The following MYCBP2 variants were observed in gnomAD, a reference collection of about 807,000 sequenced individuals.
MYCBP2 encodes the protein E3 ubiquitin-protein ligase MYCBP2.
A neutral mutation model predicts 525.3 loss-of-function variants in MYCBP2; 120 were observed. The ratio of observed to expected loss-of-function variants is 0.23; its 90% CI spans 0.20 to 0.27. The LOEUF (loss-of-function observed/expected upper bound fraction) is 0.27, where lower values mean the gene tolerates loss of function less well. Ranked by LOEUF, MYCBP2 falls within the 10% of genes least tolerant of loss-of-function variation. The pLI is 1.00. For synonymous variants in MYCBP2, 1,894 were observed against 1,955.8 expected (o/e 0.97, Z 0.83); for missense variants, 4,149 against 5,657.1 (o/e 0.73, Z 8.55).
At chr13:77,124,090 G>C (rs929080603) in intron 54 of MYCBP2, among the ~76,000 whole-genome samples, 1 of 152,148 alleles carries the variant, frequency 6.6e-6, no homozygotes, top group African/African-American at 2.4e-5. Context: ...AGGTTCTCAA[G>C]TTGTGCTCAA....
chr13:77,101,071 T>C (rs1453387286), intron 55 of MYCBP2, among the ~76,000 whole-genome samples: 1 of 152,096 alleles, frequency 6.6e-6, no homozygotes, highest in African/African-American at 2.4e-5. Flanking sequence ...TATGTGATGT[T>C]TGGAATACTT....
intron 1 of MYCBP2, among the ~76,000 whole-genome samples, chr13:77,306,057 A>G (rs1362769679): frequency 6.6e-6 from 1 of 152,212 alleles, no homozygotes; most frequent in African/African-American, 2.4e-5. Flanking sequence ...AAATGAAATA[A>G]AAGTCATAAT....
At chr13:77,225,190 G>C (rs187972483) in intron 19 of MYCBP2, among the ~76,000 whole-genome samples, 131 of 152,296 alleles carry the variant, frequency 8.6e-4, no homozygotes, top group African/African-American at 2.8e-3. Context: ...AGACTGTCTT[G>C]AATTATAAAA....
At chr13:77,289,526 T>G (rs537071786) in intron 2 of MYCBP2, among the ~76,000 whole-genome samples, 18 of 150,970 alleles carry the variant, frequency 1.2e-4, no homozygotes, top group South Asian at 4.2e-4. Flanking sequence ...AAAAAAAAAG[T>G]CTAAGTTAGG....
At chr13:77,173,364 AAG>A (rs761694825) in intron 37 of MYCBP2, among the ~76,000 whole-genome samples, 3 of 152,258 alleles carry the variant, frequency 2.0e-5, no homozygotes, top group Non-Finnish European at 4.4e-5. Context: ...TAGTTTAAGA[AAG>A]AGAATAATGT....
chr13:77,194,799 G>C (rs1351778897), intron 26 of MYCBP2, among the ~76,000 whole-genome samples: 1 of 152,024 alleles, frequency 6.6e-6, no homozygotes, highest in Non-Finnish European at 1.5e-5. Flanking sequence ...GCTACAGAGA[G>C]AGAAGAGCAA....
At chr13:77,057,140 A>T in intron 78 of MYCBP2, 47 bp from the exon 79 acceptor site, 1 of 1,328,002 alleles carries the variant, frequency 7.5e-7, no homozygotes, top group Non-Finnish European at 1.1e-6. Context: ...AATAATGATA[A>T]ACAGTTGAGT....
intron 1 of MYCBP2, among the ~76,000 whole-genome samples, chr13:77,307,498 T>C (rs753371336): frequency 6.6e-6 from 1 of 150,986 alleles, no homozygotes; most frequent in Non-Finnish European, 1.5e-5. Flanking sequence ...CGGTGGCATG[T>C]GCCTGTAGTC....
At chr13:77,195,761 T>A (rs2061695913) in intron 26 of MYCBP2, among the ~76,000 whole-genome samples, 1 of 152,206 alleles carries the variant, frequency 6.6e-6, no homozygotes, top group Admixed American at 6.5e-5. Context: ...CTAACCCATA[T>A]TCCACAAAGT....
intron 29 of MYCBP2, among the ~76,000 whole-genome samples, chr13:77,189,330 C>T (rs932426220): frequency 6.6e-6 from 1 of 152,024 alleles, no homozygotes; most frequent in African/African-American, 2.4e-5. Context: ...AACTTATATT[C>T]TCTAGTAATG....
rs576220401 is a variant in MYCBP2 at position 77,106,332 on chromosome 13, T to C, written c.8141-7319A>G. 8.5e-5 allele frequency among the ~76,000 whole-genome samples: 13 copies of C among 152,342 alleles called. No individual in the cohort carries two copies. The South Asian group carries it at 2.7e-3, about 32-fold the overall frequency. ...AAATTCAGTTTGGTGTTCAATTTGT[T>C]GATTTCTTACTATGTTCTATAATCA... On this transcript the variant is annotated intron_variant, in intron 55 of 82. Transcript: ENST00000544440.
chr13:77,251,716 G>A (rs1241204308), intron 14 of MYCBP2, among the ~76,000 whole-genome samples: 1 of 152,104 alleles, frequency 6.6e-6, no homozygotes, highest in Non-Finnish European at 1.5e-5. Flanking sequence ...CCCCACTCTA[G>A]ATCATCCTCC....
At chr13:77,181,561 A>G in intron 33 of MYCBP2, 140 bp downstream of exon 33, 1 of 491,238 alleles carries the variant, frequency 2.0e-6, no homozygotes, top group Non-Finnish European at 3.5e-6. Flanking sequence ...ATACTTAAAA[A>G]TAGAGAAGAA....
chr13:77,301,409 C>G (rs148072855), intron 1 of MYCBP2, among the ~76,000 whole-genome samples: 3,730 of 105,592 alleles, frequency 0.035, 188 homozygotes, highest in African/African-American at 0.13. Flanking sequence ...GGCTACAGAG[C>G]AAGACTCCAT....
chr13:77,157,937 C>A lies in MYCBP2; in HGVS notation c.6770G>T (p.Arg2257Met). The A allele has an allele frequency of 6.2e-7, 1 of 1,608,900 alleles. No individual in the cohort carries two copies. The highest frequency in any genetic ancestry group is 8.5e-7 in the Non-Finnish European group (1 of 1,178,274). Residue 2257 changes from arginine to methionine, a missense_variant and splice_region_variant, in exon 45 of 83, where the codon AGG (arginine) becomes ATG (methionine). Coordinates refer to ENST00000544440, the MANE Select transcript of MYCBP2 (RefSeq NM_015057.5). ...VPGSSGGRLA[R>M]WLQPDSYADP... The stretch of plus-strand genomic sequence containing the variant: ...AGTAAGTAACTTAAAGTACATTTAC[C>A]TTGCAAGCCTTCCACCACTTGATCC...
intron 52 of MYCBP2, among the ~76,000 whole-genome samples, chr13:77,138,489 A>G (rs1429821490): frequency 6.6e-6 from 1 of 152,210 alleles, no homozygotes; most frequent in Non-Finnish European, 1.5e-5. Flanking sequence ...TACCCGTGCT[A>G]TTTATTAGCT....
intron 7 of MYCBP2, 92 bp downstream of exon 7, chr13:77,269,900 T>C: frequency 1.0e-6 from 1 of 955,172 alleles, no homozygotes; most frequent in South Asian, 1.5e-5. Flanking sequence ...ATCATTTCTG[T>C]TTAAATAGAA....
Position 77,058,520 on chromosome 13 carries a change from A to G in MYCBP2, c.13141-114T>C. ...ACTTTCCCACAGGAAGTATCTATGC[A>G]GGCCAAGTAACAACAAAGTAAAGTT... On this transcript the variant is annotated intron_variant, in intron 77 of 82. Transcript: ENST00000544440. This position sits in a 1 kb window ranked among gnomAD's most constrained non-coding sequence, Gnocchi z 4.1. 2 of 775,658 alleles carry G rather than the reference A, an allele frequency of 2.6e-6. No homozygotes were observed. Among genetic ancestry groups the G allele is most frequent in the Non-Finnish European group, 3.8e-6 (2 of 528,978 alleles). 48.0% of individuals were successfully genotyped at this position (775,658 alleles called of 1,614,324 possible). A position where few individuals can be genotyped will look rare whatever the true frequency, so the allele number is the denominator to read the frequency against.
chr13:77,097,157 A>T (rs1419863454), intron 56 of MYCBP2, among the ~76,000 whole-genome samples: 3 of 152,210 alleles, frequency 2.0e-5, no homozygotes, highest in Non-Finnish European at 4.4e-5. Context: ...ATGCTACATG[A>T]AAGTGAAATA....
Sources: gnomAD v4.1 joint callset for allele counts (sites outside exome capture counted in the v4.1 genomes callset) on GRCh38, gnomAD v4.1.1 for gene constraint, Gnocchi (gnomAD v3.1) non-coding constraint, MANE v1.5 for transcripts, NCBI Gene and HGNC (gene_info 2026-07-23, HGNC 2026-07-21) for gene names.